Variants in ZNF585B observed in about 807,000 individuals in gnomAD.
ZNF585B encodes zinc finger protein 41-like protein.
A neutral mutation model predicts 14.0 loss-of-function variants in ZNF585B; 7 were observed. The observed-to-expected ratio is 0.50, with a 90% CI of 0.28 to 0.94. The LOEUF is 0.94. Ranked by LOEUF, ZNF585B falls within the 40% of genes least tolerant of loss-of-function variation. The pLI is 0.09. For missense variants in ZNF585B, 750 were observed against 924.4 expected (o/e 0.81, Z 2.45); for synonymous variants, 290 against 317.3 (o/e 0.91, Z 0.91).
In ZNF585B at chr19:37,183,351, A is replaced by G. The variant is rs1333335686; in HGVS notation, c.*1876T>C. The G allele has an allele frequency of 6.6e-6, 1 of 152,252 alleles. No homozygotes were observed. The highest frequency in any genetic ancestry group is 2.4e-5 in the African/African-American group (1 of 41,454). 9.4% of individuals were successfully genotyped at this position (152,252 alleles called of 1,614,324 possible). A position where few individuals can be genotyped will look rare whatever the true frequency, so the allele number is the denominator to read the frequency against. ...GCAACACAGAAAAAAATCAGACAGA[A>G]GTCACGCAACAAGCATGGGTCAACT... is the stretch of plus-strand genomic sequence containing the variant. On this transcript the variant is annotated 3_prime_UTR_variant, in exon 5 of 5. Transcript: ENST00000532828.
At chr19:37,205,905 C>T (rs541425079) in intron 2 of ZNF585B, among the ~76,000 whole-genome samples, 11 of 151,878 alleles carry the variant, frequency 7.2e-5, no homozygotes, top group African/African-American at 2.7e-4. Flanking sequence ...GATGGTGAAA[C>T]ACCATCTCTA....
chr19:37,206,270 G>A (rs765924066), intron 2 of ZNF585B, among the ~76,000 whole-genome samples: 6 of 151,800 alleles, frequency 4.0e-5, no homozygotes, highest in Non-Finnish European at 7.4e-5. Flanking sequence ...TGATCAACAC[G>A]GAGAAACCCC....
intron 2 of ZNF585B, chr19:37,199,017 C>T: frequency 1.3e-6 from 2 of 1,530,390 alleles, no homozygotes; most frequent in Non-Finnish European, 1.7e-6. Context: ...GCTTATAGGG[C>T]TCAGAACATC....
chr19:37,184,731 G>T lies in ZNF585B; in HGVS notation c.*496C>A. The T allele has an allele frequency of 3.0e-6, 1 of 332,954 alleles. No individual in the cohort carries two copies. Among genetic ancestry groups the T allele is most frequent in the Non-Finnish European group, 5.4e-6 (1 of 184,650 alleles). The allele number at this position is 332,954 out of a possible 1,614,324, so 20.6% of individuals were successfully genotyped here. On this transcript the variant is annotated 3_prime_UTR_variant, in exon 5 of 5. Transcript: ENST00000532828. ...GATAGAAATACTCAATGGGGAATTG[G>T]ATATGCACAACTGTGTTCGATTCAA...
intron 2 of ZNF585B, among the ~76,000 whole-genome samples, chr19:37,191,981 G>T (rs1361294486): frequency 6.6e-6 from 1 of 152,096 alleles, no homozygotes; most frequent in East Asian, 1.9e-4. Flanking sequence ...AGTCAGCCGA[G>T]ATCATGCCAC....
intron 2 of ZNF585B, among the ~76,000 whole-genome samples, chr19:37,201,216 C>A (rs1972528029): frequency 6.6e-6 from 1 of 152,060 alleles, no homozygotes; most frequent in African/African-American, 2.4e-5. Context: ...AAGCAAGAAC[C>A]TCCACCTTAA....
At chr19:37,209,723 CTTTTTT>C (rs755649009) in intron 1 of ZNF585B, among the ~76,000 whole-genome samples, 2 of 118,000 alleles carry the variant, frequency 1.7e-5, no homozygotes, top group Non-Finnish European at 3.5e-5. Flanking sequence ...AAGTGCACTT[CTTTTTT>C]TTTTTTTTTT....
chr19:37,192,078 C>G (rs1045601456), intron 2 of ZNF585B, among the ~76,000 whole-genome samples: 1 of 152,032 alleles, frequency 6.6e-6, no homozygotes, highest in Admixed American at 6.6e-5. Flanking sequence ...TCTTCTAGCA[C>G]ATGGATGAAC....
chr19:37,198,924 A>G, intron 2 of ZNF585B: 1 of 1,402,024 alleles, frequency 7.1e-7, no homozygotes. Flanking sequence ...TAAAATTATG[A>G]TTTTTGAAAG....
At chr19:37,198,164 AT>A (rs958626279) in intron 2 of ZNF585B, among the ~76,000 whole-genome samples, 2 of 151,928 alleles carry the variant, frequency 1.3e-5, no homozygotes, top group African/African-American at 4.8e-5. Context: ...GAGCTTATTT[AT>A]TTATTTTATT....
At position 37,183,551 on chromosome 19, in the gene ZNF585B, G is replaced by A. The variant is rs964355802; in HGVS notation, c.*1676C>T. 2.6e-5 allele frequency: 4 copies of A among 151,548 alleles called. No individual in the cohort carries two copies. The highest frequency in any genetic ancestry group is 9.7e-5 in the African/African-American group (4 of 41,432). The allele number at this position is 151,548 out of a possible 1,614,324, so 9.4% of individuals were successfully genotyped here. A position where few individuals can be genotyped will look rare whatever the true frequency, so the allele number is the denominator to read the frequency against. Reference sequence around the variant, plus strand: ...AAGAATAAAGGAGGAAGGGTAAGGGGCTGGAATTTTAAACCAGGCAGGCAG... The same window carrying A: ...AAGAATAAAGGAGGAAGGGTAAGGGACTGGAATTTTAAACCAGGCAGGCAG... On this transcript the variant is annotated 3_prime_UTR_variant, in exon 5 of 5. Coordinates refer to ENST00000532828, the MANE Select transcript of ZNF585B (RefSeq NM_152279.4).
intron 4 of ZNF585B, 114 bp from the exon 5 acceptor site, chr19:37,187,358 T>C (rs1972351102): frequency 3.9e-6 from 3 of 778,468 alleles, no homozygotes; most frequent in African/African-American, 3.9e-5. Context: ...TAAATTATGC[T>C]TCAAGCCATT....
intron 2 of ZNF585B, among the ~76,000 whole-genome samples, chr19:37,195,511 A>G (rs542164093): frequency 1.3e-5 from 2 of 152,122 alleles, no homozygotes; most frequent in South Asian, 2.1e-4. Flanking sequence ...GACACAAATC[A>G]GCAATATCAG....
At chr19:37,202,135 C>T (rs1972536958) in intron 2 of ZNF585B, among the ~76,000 whole-genome samples, 1 of 152,120 alleles carries the variant, frequency 6.6e-6, no homozygotes, top group South Asian at 2.1e-4. Context: ...CCTGCCTCAG[C>T]CTACCAGTAG....
Position 37,183,783 on chromosome 19 carries a change from T to C in ZNF585B, c.*1444A>G, listed in dbSNP as rs1456449021. 1 of 152,118 alleles carries C rather than the reference T, an allele frequency of 6.6e-6. No homozygotes were observed. Among genetic ancestry groups the C allele is most frequent in the Non-Finnish European group, 1.5e-5 (1 of 68,006 alleles). 9.4% of individuals were successfully genotyped at this position (152,118 alleles called of 1,614,324 possible). A position where few individuals can be genotyped will look rare whatever the true frequency, so the allele number is the denominator to read the frequency against. Reference sequence around the variant, plus strand: ...GTAGACAGTGAACATATGGTGGGGTTGGTTTTCATATGAGTTATCAATTTC... The same window carrying C: ...GTAGACAGTGAACATATGGTGGGGTCGGTTTTCATATGAGTTATCAATTTC... On this transcript the variant is annotated 3_prime_UTR_variant, in exon 5 of 5. Coordinates refer to ENST00000532828, the MANE Select transcript of ZNF585B (RefSeq NM_152279.4).
At chr19:37,206,754 G>A (rs1215617436) in intron 2 of ZNF585B, among the ~76,000 whole-genome samples, 1 of 152,184 alleles carries the variant, frequency 6.6e-6, no homozygotes, top group Non-Finnish European at 1.5e-5. Context: ...CTTCTAACAA[G>A]GAATTCTATT....
chr19:37,198,801 G>T, intron 2 of ZNF585B: 11 of 237,128 alleles, frequency 4.6e-5, no homozygotes, highest in Non-Finnish European at 7.2e-5. Context: ...ATTATTTATT[G>T]TATAAAGATT....
chr19:37,198,819 C>G, intron 2 of ZNF585B: 1 of 418,808 alleles, frequency 2.4e-6, no homozygotes, highest in Non-Finnish European at 4.2e-6. Flanking sequence ...ATTCAGAGGT[C>G]CTTTGTATAG....
chr19:37,208,283 T>C (rs1216737397), intron 1 of ZNF585B, among the ~76,000 whole-genome samples: 1 of 152,128 alleles, frequency 6.6e-6, no homozygotes, highest in Admixed American at 6.6e-5. Flanking sequence ...CCTCACACTA[T>C]TAAGTAGACA....
Sources: gnomAD v4.1 joint callset for allele counts (sites outside exome capture counted in the v4.1 genomes callset) on GRCh38, gnomAD v4.1.1 for gene constraint, MANE v1.5 for transcripts, NCBI Gene and HGNC (gene_info 2026-07-23, HGNC 2026-07-21) for gene names.